C7orf57: variants seen among roughly 807,000 people sequenced by gnomAD.
The protein encoded by C7orf57 is uncharacterized protein C7orf57.
C7orf57 carries 33 observed loss-of-function variants against 39.0 expected under a neutral mutation model. The observed-to-expected ratio is 0.85, with a 90% CI of 0.64 to 1.13. The LOEUF (loss-of-function observed/expected upper bound fraction) is 1.13, where lower values mean the gene tolerates loss of function less well. Ranked by LOEUF, C7orf57 falls within the 50% of genes most tolerant of loss-of-function variation. C7orf57 has a pLI of 0.00. For synonymous variants in C7orf57, 124 were observed against 137.1 expected (o/e 0.90, Z 0.67); for missense variants, 346 against 362.3 (o/e 0.95, Z 0.37).
At chr7:48,036,551 G>A (rs1446623676) in intron 2 of C7orf57, among the ~76,000 whole-genome samples, 188 bp downstream of exon 2, 1 of 152,214 alleles carries the variant, frequency 6.6e-6, no homozygotes, top group African/African-American at 2.4e-5. Flanking sequence ...GTGAAATCAA[G>A]ACTTAAATAT....
intron 6 of C7orf57, among the ~76,000 whole-genome samples, chr7:48,051,770 C>CTTTTCTTTCTTTCTTTCT (rs142660699): frequency 1.9e-5 from 1 of 53,946 alleles, no homozygotes; most frequent in Non-Finnish European, 4.0e-5. Flanking sequence ...TTCTTTCTTT[C>CTTTTCTTTCTTTCTTTCT]TTTCTTTCTT....
At chr7:48,054,244 G>A (rs1322968604) in intron 7 of C7orf57, among the ~76,000 whole-genome samples, 2 of 152,006 alleles carry the variant, frequency 1.3e-5, no homozygotes, top group Non-Finnish European at 2.9e-5. Context: ...GAGAAACCCC[G>A]TCTCTACTAA....
chr7:48,041,881 T>G (rs77114021), intron 3 of C7orf57, among the ~76,000 whole-genome samples: 1,687 of 152,328 alleles, frequency 0.011, 18 homozygotes, highest in African/African-American at 0.038. Context: ...AATTCTTGTC[T>G]AATTGTGAAA....
At chr7:48,054,825 A>T (rs1325584216) in intron 8 of C7orf57, among the ~76,000 whole-genome samples, 1 of 152,108 alleles carries the variant, frequency 6.6e-6, no homozygotes, top group Non-Finnish European at 1.5e-5. Context: ...AGGATCGCTT[A>T]CACAATTACA....
chr7:48,044,571 C>A (rs1170252896), intron 4 of C7orf57, among the ~76,000 whole-genome samples: 1 of 152,152 alleles, frequency 6.6e-6, no homozygotes, highest in Non-Finnish European at 1.5e-5. Context: ...CGGTCGCCTT[C>A]CCCACCTAGG....
At position 48,061,259 on chromosome 7, in the gene C7orf57, A is replaced by G. The variant is rs982468589; in HGVS notation, c.*987A>G. 1 of 152,192 alleles carries G rather than the reference A, an allele frequency of 6.6e-6. No homozygotes were observed. The highest frequency in any genetic ancestry group is 2.4e-5 in the African/African-American group (1 of 41,444). The allele number at this position is 152,192 out of a possible 1,614,324, so 9.4% of individuals were successfully genotyped here. A position where few individuals can be genotyped will look rare whatever the true frequency, so the allele number is the denominator to read the frequency against. On this transcript the variant is annotated 3_prime_UTR_variant, in exon 9 of 9. Transcript: ENST00000348904. Reference sequence around the variant, plus strand: ...TGTATGCAATGTGTAAAAAATGCAAATGGCTGTATGCATTGAATAAAAATA... The same window carrying G: ...TGTATGCAATGTGTAAAAAATGCAAGTGGCTGTATGCATTGAATAAAAATA...
intron 4 of C7orf57, among the ~76,000 whole-genome samples, chr7:48,044,263 AG>A (rs1457912253): frequency 6.6e-6 from 1 of 152,152 alleles, no homozygotes; most frequent in African/African-American, 2.4e-5. Context: ...TGTGAGTGAA[AG>A]CTCAGCTCAA....
chr7:48,052,192 T>A (rs1251818345), intron 6 of C7orf57, among the ~76,000 whole-genome samples: 1 of 152,018 alleles, frequency 6.6e-6, no homozygotes, highest in Admixed American at 6.6e-5. Flanking sequence ...CAGGATGGCC[T>A]CGATCTCTTG....
chr7:48,036,461 G>A (rs1351639838), intron 2 of C7orf57, 98 bp downstream of exon 2: 5 of 1,181,006 alleles, frequency 4.2e-6, no homozygotes, highest in Non-Finnish European at 5.8e-6. Flanking sequence ...ATGTGGGCTG[G>A]AGGGGGGTGT....
rs114295001 is a variant in C7orf57 at position 48,048,557 on chromosome 7, G to A, written c.508-1323G>A. ...TGTTTGCTTCGTTTTGTTTTTTCCCGTTTTCCCATAGCATGTATTTCTATT... is the reference window on the plus strand; with the variant it reads ...TGTTTGCTTCGTTTTGTTTTTTCCCATTTTCCCATAGCATGTATTTCTATT... On this transcript the variant is annotated intron_variant, in intron 5 of 8. Coordinates refer to ENST00000348904, the MANE Select transcript of C7orf57 (RefSeq NM_001100159.3). Among the ~76,000 whole-genome samples, 986 of 152,082 alleles carry A rather than the reference G, an allele frequency of 6.5e-3. 17 individuals are homozygous for A. Among genetic ancestry groups the A allele is most frequent in the African/African-American group, 0.022 (923 of 41,476 alleles).
chr7:48,053,890 C>T (rs577410919), intron 7 of C7orf57, among the ~76,000 whole-genome samples: 97 of 152,310 alleles, frequency 6.4e-4, no homozygotes, highest in Admixed American at 1.4e-3. Context: ...CCTGTTTTTA[C>T]TCTTGAGGCT....
intron 6 of C7orf57, among the ~76,000 whole-genome samples, chr7:48,051,802 C>CT (rs1790917537): frequency 1.4e-5 from 1 of 72,646 alleles, no homozygotes; most frequent in African/African-American, 6.1e-5. Flanking sequence ...TTCTTTCCTT[C>CT]CTTCCTTTTC....
intron 2 of C7orf57, among the ~76,000 whole-genome samples, chr7:48,039,215 T>C (rs922440913): frequency 6.6e-6 from 1 of 152,216 alleles, no homozygotes; most frequent in Non-Finnish European, 1.5e-5. Context: ...CAAAGAAGTC[T>C]ATATTGGGGT....
chr7:48,053,041 T>A (rs1284685972), intron 7 of C7orf57, 118 bp downstream of exon 7: 7 of 819,038 alleles, frequency 8.5e-6, no homozygotes, highest in Non-Finnish European at 1.4e-5. Flanking sequence ...AAAAACCATG[T>A]GAAAACGCCC....
At position 48,051,734 on chromosome 7, in the gene C7orf57, CT is replaced by C. The variant is rs1375062899; in HGVS notation, c.606-962del. On this transcript the variant is annotated intron_variant, in intron 6 of 8. Coordinates refer to ENST00000348904, the MANE Select transcript of C7orf57 (RefSeq NM_001100159.3). ...CTCTCCTTTCTTTCTTTCTCTTTTT[CT>C]TTTCTTTCTTTTTCTTTTCTTTCTT... Among the ~76,000 whole-genome samples the C allele has an allele frequency of 5.0e-3, 280 of 55,916 alleles. 27 individuals are homozygous for C. The highest frequency in any genetic ancestry group is 7.0e-3 in the Non-Finnish European group (156 of 22,268). 36.7% of individuals were successfully genotyped at this position (55,916 alleles called of 152,430 possible). A position where few individuals can be genotyped will look rare whatever the true frequency, so the allele number is the denominator to read the frequency against.
intron 4 of C7orf57, among the ~76,000 whole-genome samples, chr7:48,045,349 C>G (rs554388894): frequency 6.6e-6 from 1 of 152,158 alleles, no homozygotes; most frequent in Non-Finnish European, 1.5e-5. Context: ...GAGACCACAT[C>G]AGAAGTGGGA....
chr7:48,037,792 G>C (rs1290279833), intron 2 of C7orf57, among the ~76,000 whole-genome samples: 1 of 122,196 alleles, frequency 8.2e-6, no homozygotes, highest in Non-Finnish European at 1.9e-5. Context: ...TGTGTGTGAG[G>C]TGGTCACAAA....
In C7orf57 at chr7:48,051,873, CT is replaced by C. The variant is rs1562630416; in HGVS notation, c.606-824del. Among the ~76,000 whole-genome samples, 50 of 25,040 alleles carry C rather than the reference CT, an allele frequency of 2.0e-3. 7 individuals are homozygous for C. The highest frequency in any genetic ancestry group is 3.1e-4 in the Non-Finnish European group (4 of 12,790). The allele number at this position is 25,040 out of a possible 152,430, so 16.4% of individuals were successfully genotyped here. A position where few individuals can be genotyped will look rare whatever the true frequency, so the allele number is the denominator to read the frequency against. ...TTTCTTTCTTTCTTTCTTTCTTTCT[CT>C]TTCTCTTTCTTTCTTTCCTTCCTTC... On this transcript the variant is annotated intron_variant, in intron 6 of 8. Coordinates refer to ENST00000348904, the MANE Select transcript of C7orf57 (RefSeq NM_001100159.3).
rs1429076183 is a variant in C7orf57 at position 48,061,267 on chromosome 7, A to G, written c.*995A>G. The G allele has an allele frequency of 6.6e-6, 1 of 152,194 alleles. No individual in the cohort carries two copies. Among genetic ancestry groups the G allele is most frequent in the East Asian group, 1.9e-4 (1 of 5,198 alleles). The allele number at this position is 152,194 out of a possible 1,614,324, so 9.4% of individuals were successfully genotyped here. ...ATGTGTAAAAAATGCAAATGGCTGT[A>G]TGCATTGAATAAAAATAATATACAA... On this transcript the variant is annotated 3_prime_UTR_variant, in exon 9 of 9. Coordinates refer to ENST00000348904, the MANE Select transcript of C7orf57 (RefSeq NM_001100159.3).
Sources: allele counts gnomAD v4.1 joint callset (sites outside exome capture counted in the v4.1 genomes callset), GRCh38; gene constraint gnomAD v4.1.1; transcripts MANE v1.5; gene names NCBI Gene and HGNC (gene_info 2026-07-23, HGNC 2026-07-21).